Variants in CTDP1 observed in about 807,000 individuals in gnomAD.
CTDP1 encodes the protein CTD phosphatase 1.
In CTDP1, 47 loss-of-function variants were observed where a neutral mutation model predicts 91.8. The observed-to-expected ratio is 0.51, with a 90% CI of 0.41 to 0.65. The LOEUF is 0.65. CTDP1 is among the 30% of genes least tolerant of loss of function. The pLI, the probability that CTDP1 is intolerant of heterozygous loss-of-function variation, is 0.00. For synonymous variants in CTDP1, 656 were observed against 598.5 expected (o/e 1.10, Z -1.40); for missense variants, 1,272 against 1,373.7 (o/e 0.93, Z 1.17).
In CTDP1 at chr18:79,753,675, A is replaced by T; in HGVS notation, c.2771A>T (p.Glu924Val). The change falls in exon 13 of 13, where the codon GAA becomes GTA. Residue 924 changes from glutamate (E) to valine (V), a missense_variant. By Grantham distance (121) the Glu-to-Val change is moderately radical. This residue lies in a region of CTDP1 where 881 missense variants were observed against 911.6 expected (regional missense o/e 0.97). Transcript: ENST00000613122. ...GPRGHKRKLN[E>V]EDAASESSRE... ...AGAGGCCACAAGAGGAAGCTGAATG[A>T]AGAGGACGCCGCCAGCGAGTCCAGC... 1 of 1,614,178 alleles carries T rather than the reference A, an allele frequency of 6.2e-7. No individual in the cohort carries two copies. The highest frequency in any genetic ancestry group is 2.2e-5 in the East Asian group (1 of 44,882).
At chr18:79,700,102 C>A (rs1419488587) in intron 4 of CTDP1, among the ~76,000 whole-genome samples, 1 of 152,198 alleles carries the variant, frequency 6.6e-6, no homozygotes, top group African/African-American at 2.4e-5. Context: ...ACTGGCCATT[C>A]CCTGTCTCTG....
At chr18:79,707,292 T>G (rs1340609704) in intron 5 of CTDP1, among the ~76,000 whole-genome samples, 1 of 152,140 alleles carries the variant, frequency 6.6e-6, no homozygotes, top group African/African-American at 2.4e-5. Context: ...ATGAAGCAGG[T>G]GACGAGAACG....
chr18:79,717,892 G>T lies in CTDP1; in HGVS notation c.2293G>T (p.Ala765Ser), dbSNP rs368290203. ...LFHPMPVLPK[A>S]QPGPEVRIYD... Reference sequence around the variant, plus strand: ...CCACCCGATGCCGGTTCTTCCCAAGGCCCAGCCTGGCCCCGAGGTTCGGAT... The same window carrying T: ...CCACCCGATGCCGGTTCTTCCCAAGTCCCAGCCTGGCCCCGAGGTTCGGAT... The change falls in exon 10 of 13, where the codon GCC (alanine) becomes TCC (serine). Residue 765 changes from alanine to serine, a missense_variant. This residue lies in a region of CTDP1 where 881 missense variants were observed against 911.6 expected (regional missense o/e 0.97). Coordinates refer to ENST00000613122, the MANE Select transcript of CTDP1 (RefSeq NM_004715.5). The T allele has an allele frequency of 1.1e-5, 17 of 1,613,372 alleles. No homozygotes were observed. The highest frequency in any genetic ancestry group is 1.3e-5 in the African/African-American group (1 of 74,934).
Position 79,679,876 on chromosome 18 carries a change from C to T in CTDP1, c.-72C>T. The T allele has an allele frequency of 6.2e-6, 8 of 1,292,840 alleles. No homozygotes were observed. Among genetic ancestry groups the T allele is most frequent in the South Asian group, 4.8e-5 (3 of 62,180 alleles). 80.1% of individuals were successfully genotyped at this position (1,292,840 alleles called of 1,614,324 possible). On this transcript the variant is annotated 5_prime_UTR_variant, in exon 1 of 13. Coordinates refer to ENST00000613122, the MANE Select transcript of CTDP1 (RefSeq NM_004715.5). ...TACAGCGTCGCCGCCTGGGTTGTGT[C>T]GCCGCGGTAGGCGCTGCGCTCTGAG...
At chr18:79,681,564 C>T in intron 1 of CTDP1, 2 of 914,124 alleles carry the variant, frequency 2.2e-6, no homozygotes, top group Non-Finnish European at 2.6e-6. Flanking sequence ...ATTCCATGTT[C>T]AGTCAGTCTA....
At position 79,680,146 on chromosome 18, in the gene CTDP1, C is replaced by A; in HGVS notation, c.199C>A (p.Arg67Ser). The A allele has an allele frequency of 1.4e-6, 2 of 1,425,318 alleles. No homozygotes were observed. The highest frequency in any genetic ancestry group is 1.8e-6 in the Non-Finnish European group (2 of 1,091,422). The allele number at this position is 1,425,318 out of a possible 1,614,324, so 88.3% of individuals were successfully genotyped here. A position where few individuals can be genotyped will look rare whatever the true frequency, so the allele number is the denominator to read the frequency against. Residue 67 changes from arginine (R) to serine (S), a missense_variant, in exon 1 of 13, where the codon CGT becomes AGT. Coordinates refer to ENST00000613122, the MANE Select transcript of CTDP1 (RefSeq NM_004715.5). Reference protein sequence around the residue: ...SAQSSGASQSRVASGGCVRPA... With the variant: ...SAQSSGASQSSVASGGCVRPA... ...GCAGTCCTCCGGGGCCTCTCAGTCC[C>A]GTGTAGCCTCCGGGGGCTGCGTGCG...
At chr18:79,717,045 C>CT (rs2086225006) in intron 8 of CTDP1, among the ~76,000 whole-genome samples, 1 of 148,736 alleles carries the variant, frequency 6.7e-6, no homozygotes, top group South Asian at 2.1e-4. Context: ...GGTAAAGGCC[C>CT]TGAGTCCTGG....
rs2086164859 is a variant in CTDP1, at chr18:79,714,773, G to C, written c.1313G>C (p.Gly438Ala). The C allele has an allele frequency of 1.2e-6, 2 of 1,603,022 alleles. No individual in the cohort carries two copies. The highest frequency in any genetic ancestry group is 1.1e-5 in the South Asian group (1 of 89,728). The part of the protein sequence containing the change: ...SCAQGGRVAP[G>A]QRPAQGATGT... Reference sequence around the variant, plus strand: ...GCGCAGGGTGGCCGGGTGGCACCGGGACAGCGGCCTGCCCAGGGTGCCACG... The same window carrying C: ...GCGCAGGGTGGCCGGGTGGCACCGGCACAGCGGCCTGCCCAGGGTGCCACG... The change falls in exon 8 of 13, where the codon GGA (glycine) becomes GCA (alanine). Residue 438 changes from glycine (G) to alanine (A), a missense_variant. Physicochemically the swap from Gly to Ala is moderately conservative, Grantham distance 60. Transcript: ENST00000613122.
rs1002521380 is a variant in CTDP1, at chr18:79,754,135, C to T, written c.*345C>T. On this transcript the variant is annotated 3_prime_UTR_variant, in exon 13 of 13. Coordinates refer to ENST00000613122, the MANE Select transcript of CTDP1 (RefSeq NM_004715.5). Reference sequence around the variant, plus strand: ...GTACCAGAGCACATTCCTTAGGGGACGGCTTTGGGGGTCCCACGAGACATG... The same window carrying T: ...GTACCAGAGCACATTCCTTAGGGGATGGCTTTGGGGGTCCCACGAGACATG... 5.1e-5 allele frequency: 19 copies of T among 371,782 alleles called. No homozygotes were observed. Among genetic ancestry groups the T allele is most frequent in the Middle Eastern group, 8.9e-4 (1 of 1,120 alleles). The allele number at this position is 371,782 out of a possible 1,614,324, so 23.0% of individuals were successfully genotyped here.
chr18:79,707,871 G>T (rs147435087), intron 5 of CTDP1, among the ~76,000 whole-genome samples: 1 of 152,206 alleles, frequency 6.6e-6, no homozygotes, highest in Non-Finnish European at 1.5e-5. Context: ...GAAAGTGACC[G>T]TGTTGATAGC....
At chr18:79,684,133 C>A (rs2085434464) in intron 1 of CTDP1, among the ~76,000 whole-genome samples, 1 of 152,224 alleles carries the variant, frequency 6.6e-6, no homozygotes, top group Non-Finnish European at 1.5e-5. Context: ...TGGCTCTTGA[C>A]CCCACTGGCC....
At chr18:79,698,114 C>T in intron 4 of CTDP1, 126 bp downstream of exon 4, 1 of 1,381,226 alleles carries the variant, frequency 7.2e-7, no homozygotes, top group Admixed American at 2.0e-5. Context: ...GGAAAGCAGA[C>T]TTGCTAGTTC....
chr18:79,734,030 G>A lies in CTDP1; in HGVS notation c.2581-2325G>A, dbSNP rs568804269. ...ACGACCCTCAACTTTACAATAGTTC[G>A]CTTAACAATTTTCTAACTTTACAAT... On this transcript the variant is annotated intron_variant, in intron 11 of 12. Transcript: ENST00000613122. Among the ~76,000 whole-genome samples the A allele has an allele frequency of 5.3e-5, 8 of 152,224 alleles. No homozygotes were observed. In the East Asian group the frequency reaches 7.7e-4, roughly 15 times the overall value.
intron 1 of CTDP1, among the ~76,000 whole-genome samples, chr18:79,686,797 A>G (rs1430455120): frequency 1.9e-3 from 258 of 133,998 alleles, no homozygotes; most frequent in Middle Eastern, 4.5e-3. Context: ...GGCCTGCACC[A>G]CAGCAGTTGG....
chr18:79,714,744 C>T lies in CTDP1; in HGVS notation c.1284C>T (p.Ser428=). The change falls in exon 8 of 13, where the codon TCC becomes TCT. Residue 428 remains serine (S), a synonymous_variant. Coordinates refer to ENST00000613122, the MANE Select transcript of CTDP1 (RefSeq NM_004715.5). ...CAGGCGCTCCTGAGCCCCAGGGATC[C>T]TGTGCGCAGGGTGGCCGGGTGGCAC... ...ELAGAPEPQG[S]CAQGGRVAPG... 1 of 1,602,002 alleles carries T rather than the reference C, an allele frequency of 6.2e-7. No homozygotes were observed. The highest frequency in any genetic ancestry group is 8.5e-7 in the Non-Finnish European group (1 of 1,175,052).
intron 1 of CTDP1, among the ~76,000 whole-genome samples, chr18:79,681,937 TGTGGTG>T (rs981892829): frequency 1.3e-5 from 2 of 151,476 alleles, no homozygotes; most frequent in East Asian, 3.9e-4. Flanking sequence ...TTCTGGGGAG[TGTGGTG>T]GTGGTGGTGT....
At chr18:79,738,852 TTGAAA>T (rs2086719990) in intron 12 of CTDP1, among the ~76,000 whole-genome samples, 1 of 152,234 alleles carries the variant, frequency 6.6e-6, no homozygotes, top group Admixed American at 6.5e-5. Context: ...TCCAGCTGTG[TTGAAA>T]TGATATGAAG....
At chr18:79,736,331 C>T (rs1010844366) in intron 11 of CTDP1, 24 bp from the exon 12 acceptor site, 6 of 1,548,888 alleles carry the variant, frequency 3.9e-6, no homozygotes, top group African/African-American at 1.4e-5. Flanking sequence ...GGAGGTCTGT[C>T]GCTGACTCTT....
chr18:79,687,653 C>T (rs559595231), intron 1 of CTDP1, among the ~76,000 whole-genome samples: 1,463 of 144,640 alleles, frequency 0.01, 2 homozygotes, highest in African/African-American at 0.037. Flanking sequence ...GTTGGCTTCG[C>T]CAGTTCACTG....
Sources: gnomAD v4.1 joint callset for allele counts (sites outside exome capture counted in the v4.1 genomes callset) on GRCh38, gnomAD v4.1.1 for gene constraint, gnomAD v4.1.1 regional missense constraint, MANE v1.5 for transcripts, NCBI Gene and HGNC (gene_info 2026-07-23, HGNC 2026-07-21) for gene names.